The following CEP89 variants were observed in gnomAD, a reference collection of about 807,000 sequenced individuals.
CEP89 encodes the protein centrosomal protein of 89 kDa.
In CEP89, 95 loss-of-function variants were observed where a neutral mutation model predicts 97.6. The ratio of observed to expected loss-of-function variants is 0.97; its 90% CI spans 0.82 to 1.15. The LOEUF is 1.15. CEP89 is among the 50% of genes most tolerant of loss of function. The probability of loss-of-function intolerance (pLI) is 0.00; values close to 1 mark genes in which losing one functional copy is unlikely to be tolerated. For synonymous variants in CEP89, 354 were observed against 349.1 expected (o/e 1.01, Z -0.16); for missense variants, 869 against 947.7 (o/e 0.92, Z 1.09).
chr19:32,947,640 G>A (rs576533954), intron 5 of CEP89, among the ~76,000 whole-genome samples: 26 of 151,986 alleles, frequency 1.7e-4, no homozygotes, highest in Non-Finnish European at 3.8e-4. Flanking sequence ...ACAGGTACAT[G>A]CCACCATACC....
chr19:32,911,395 G>A (rs8111351), intron 14 of CEP89, among the ~76,000 whole-genome samples: 32,187 of 152,192 alleles, frequency 0.21, 3,583 homozygotes, highest in Admixed American at 0.32. Flanking sequence ...GGTGGCTCAT[G>A]CCTGGAATCT....
intron 3 of CEP89, among the ~76,000 whole-genome samples, chr19:32,958,077 C>T (rs1229185862): frequency 6.6e-6 from 1 of 151,216 alleles, no homozygotes; most frequent in Admixed American, 6.6e-5. Context: ...GTCAGACCAT[C>T]TCCTCTGATG....
At chr19:32,920,629 G>A (rs570283010) in intron 12 of CEP89, among the ~76,000 whole-genome samples, 42 of 151,984 alleles carry the variant, frequency 2.8e-4, no homozygotes, top group South Asian at 2.7e-3. Context: ...GATTACAGGC[G>A]TGCACCACCA....
chr19:32,903,487 G>C (rs1257533991), intron 14 of CEP89, among the ~76,000 whole-genome samples: 1 of 152,140 alleles, frequency 6.6e-6, no homozygotes, highest in Non-Finnish European at 1.5e-5. Context: ...TGAGAAAGAA[G>C]AGAAAAATAG....
At chr19:32,950,277 G>T (rs913182562) in intron 4 of CEP89, among the ~76,000 whole-genome samples, 6 of 152,140 alleles carry the variant, frequency 3.9e-5, no homozygotes, top group African/African-American at 1.4e-4. Flanking sequence ...AAGCATTAGG[G>T]GCCAGGTATG....
chr19:32,939,908 G>T, intron 5 of CEP89, 23 bp from the exon 6 acceptor site: 1 of 1,180,780 alleles, frequency 8.5e-7, no homozygotes, highest in Non-Finnish European at 1.2e-6. Context: ...AAGAGAGAGA[G>T]ATAAACTTTT....
At chr19:32,944,721 C>A (rs1970760269) in intron 5 of CEP89, among the ~76,000 whole-genome samples, 1 of 152,198 alleles carries the variant, frequency 6.6e-6, no homozygotes, top group African/African-American at 2.4e-5. Context: ...GAAAGGGGAA[C>A]AGCGTCCACG....
At chr19:32,926,907 G>C (rs184674757) in intron 10 of CEP89, 27 bp downstream of exon 10, 2 of 1,602,030 alleles carry the variant, frequency 1.2e-6, no homozygotes, top group East Asian at 4.5e-5. Flanking sequence ...GAAAATATGG[G>C]CCTGAAATTA....
intron 16 of CEP89, among the ~76,000 whole-genome samples, chr19:32,889,719 C>A (rs372747668): frequency 4.6e-5 from 7 of 152,188 alleles, no homozygotes; most frequent in African/African-American, 1.7e-4. Context: ...GGATTCCCTG[C>A]ACGTCCTGCC....
At chr19:32,960,302 G>T (rs968569935) in intron 2 of CEP89, among the ~76,000 whole-genome samples, 2 of 152,104 alleles carry the variant, frequency 1.3e-5, no homozygotes, top group African/African-American at 4.8e-5. Flanking sequence ...AGATTACCTA[G>T]CCAATAGGAG....
At chr19:32,957,710 T>C (rs1971078092) in intron 3 of CEP89, among the ~76,000 whole-genome samples, 1 of 152,096 alleles carries the variant, frequency 6.6e-6, no homozygotes, top group South Asian at 2.1e-4. Flanking sequence ...CTCTGGAGGC[T>C]GAGGCAGGAG....
At chr19:32,879,882 G>A (rs1021595152) in intron 18 of CEP89, among the ~76,000 whole-genome samples, 5 of 152,306 alleles carry the variant, frequency 3.3e-5, no homozygotes, top group African/African-American at 7.2e-5. Flanking sequence ...CAGGTCTTCC[G>A]CTCCATACAG....
At chr19:32,944,808 C>T (rs560148930) in intron 5 of CEP89, among the ~76,000 whole-genome samples, 32 of 152,290 alleles carry the variant, frequency 2.1e-4, no homozygotes, top group African/African-American at 6.7e-4. Flanking sequence ...GCAGAGGTCT[C>T]GCTAGAGTGC....
In CEP89 at chr19:32,881,901, A is replaced by C; in HGVS notation, c.2078T>G (p.Leu693Arg). 3 of 1,606,470 alleles carry C rather than the reference A, an allele frequency of 1.9e-6. No homozygotes were observed. The highest frequency in any genetic ancestry group is 1.1e-5 in the South Asian group (1 of 90,086). ...TAQYRQEMRH[L>R]HQVLKDKQEV... ...CTGCTTGTCCTTCAGCACCTGGTGC[A>C]GGTGCCGCATCTCCTGCCGGTACTG... Residue 693 changes from leucine to arginine, a missense_variant, in exon 18 of 19, where the codon CTG (leucine) becomes CGG (arginine). Coordinates refer to ENST00000305768, the MANE Select transcript of CEP89 (RefSeq NM_032816.5).
At chr19:32,951,049 A>AT (rs1457567148) in intron 4 of CEP89, among the ~76,000 whole-genome samples, 2 of 151,896 alleles carry the variant, frequency 1.3e-5, no homozygotes, top group South Asian at 2.1e-4. Flanking sequence ...GGTACAAGTA[A>AT]TTTTTTTTTA....
At chr19:32,887,909 G>A (rs1969434055) in intron 16 of CEP89, 68 bp from the exon 17 acceptor site, 7 of 928,218 alleles carry the variant, frequency 7.5e-6, no homozygotes, top group South Asian at 2.8e-5. Context: ...CAATTATTTT[G>A]CAAAGAGTGT....
intron 16 of CEP89, among the ~76,000 whole-genome samples, chr19:32,899,367 C>T (rs1969715551): frequency 6.6e-6 from 1 of 152,058 alleles, no homozygotes; most frequent in African/African-American, 2.4e-5. Context: ...TTCCTGGGCT[C>T]AAATGATCCT....
chr19:32,894,276 ACATGCTCCTTTCTCAGTG>A (rs1321167051), intron 16 of CEP89, among the ~76,000 whole-genome samples: 2 of 152,148 alleles, frequency 1.3e-5, no homozygotes, highest in Non-Finnish European at 2.9e-5. Flanking sequence ...GTGAAGCCCC[ACATGCTCCTTTCTCAGTG>A]GGCTCCTTTC....
At chr19:32,883,440 G>A (rs974624512) in intron 17 of CEP89, among the ~76,000 whole-genome samples, 2 of 152,114 alleles carry the variant, frequency 1.3e-5, no homozygotes, top group Admixed American at 1.3e-4. Context: ...GATCACCTGA[G>A]TTCAGGAGTT....
Sources: allele counts gnomAD v4.1 joint callset (sites outside exome capture counted in the v4.1 genomes callset), GRCh38; gene constraint gnomAD v4.1.1; transcripts MANE v1.5; gene names NCBI Gene and HGNC (gene_info 2026-07-23, HGNC 2026-07-21).